The following SLC35F3 variants were observed in gnomAD, a reference collection of about 807,000 sequenced individuals.
SLC35F3 encodes solute carrier family 35 member F3, also known as putative thiamine transporter SLC35F3.
In SLC35F3, 25 loss-of-function variants were observed where a neutral mutation model predicts 49.9. The ratio of observed to expected loss-of-function variants is 0.50; its 90% CI spans 0.37 to 0.70. SLC35F3 has a LOEUF of 0.70. Among genes scored for constraint, SLC35F3 ranks in the 30% least tolerant of loss-of-function variants. The pLI, the probability that SLC35F3 is intolerant of heterozygous loss-of-function variation, is 0.00. For synonymous variants in SLC35F3, 275 were observed against 265.4 expected (o/e 1.04, Z -0.35); for missense variants, 525 against 639.8 (o/e 0.82, Z 1.94).
At chr1:233,995,332 G>T (rs952070021) in intron 2 of SLC35F3, among the ~76,000 whole-genome samples, 1 of 152,204 alleles carries the variant, frequency 6.6e-6, no homozygotes, top group Non-Finnish European at 1.5e-5. Flanking sequence ...AGAATGGTTT[G>T]TTGTGAAGGA....
At chr1:233,928,463 A>G (rs1662193922) in intron 2 of SLC35F3, among the ~76,000 whole-genome samples, 1 of 152,164 alleles carries the variant, frequency 6.6e-6, no homozygotes, top group Admixed American at 6.6e-5. Context: ...TTAATTAGTC[A>G]TTGCTGAGTT....
At chr1:234,071,451 A>C (rs1664710970) in intron 2 of SLC35F3, among the ~76,000 whole-genome samples, 1 of 152,182 alleles carries the variant, frequency 6.6e-6, no homozygotes, top group Non-Finnish European at 1.5e-5. Context: ...CCTGGCAGAG[A>C]GCCTGTAAGT....
chr1:234,205,639 T>G (rs1489883096), intron 2 of SLC35F3, among the ~76,000 whole-genome samples: 1 of 152,194 alleles, frequency 6.6e-6, no homozygotes, highest in Non-Finnish European at 1.5e-5. Flanking sequence ...GGGCTTCCAA[T>G]AAAAGAAACT....
intron 2 of SLC35F3, among the ~76,000 whole-genome samples, chr1:233,908,976 T>A (rs1661823951): frequency 6.6e-6 from 1 of 151,612 alleles, no homozygotes; most frequent in Non-Finnish European, 1.5e-5. Flanking sequence ...CTACCTCAGC[T>A]TCCTCCTGAG....
chr1:233,951,516 T>C (rs1662607843), intron 2 of SLC35F3, among the ~76,000 whole-genome samples: 1 of 152,120 alleles, frequency 6.6e-6, no homozygotes, highest in Non-Finnish European at 1.5e-5. Context: ...TATGTTTAGA[T>C]GCATAAATAC....
intron 2 of SLC35F3, among the ~76,000 whole-genome samples, chr1:233,987,533 C>G (rs1264611223): frequency 7.0e-6 from 1 of 143,252 alleles, no homozygotes. Flanking sequence ...TCTATCTTTT[C>G]TCTTTGGAAG....
intron 2 of SLC35F3, among the ~76,000 whole-genome samples, chr1:233,965,353 C>T (rs1171191011): frequency 6.6e-6 from 1 of 152,208 alleles, no homozygotes; most frequent in Non-Finnish European, 1.5e-5. Context: ...ATCCCTATCT[C>T]CTGGTGCTCA....
intron 4 of SLC35F3, among the ~76,000 whole-genome samples, chr1:234,316,266 T>C (rs1657487926): frequency 6.6e-6 from 1 of 152,250 alleles, no homozygotes; most frequent in Admixed American, 6.5e-5. Flanking sequence ...AGGCTTGTCA[T>C]GACCAAATAA....
chr1:234,237,785 C>G (rs1667498528), intron 3 of SLC35F3, among the ~76,000 whole-genome samples: 1 of 152,212 alleles, frequency 6.6e-6, no homozygotes, highest in African/African-American at 2.4e-5. Flanking sequence ...GTGACAAGAG[C>G]AAGTGGAAAT....
At position 234,113,859 on chromosome 1, in the gene SLC35F3, A is replaced by T. The variant is rs184440258; in HGVS notation, c.284-117558A>T. Among the ~76,000 whole-genome samples, 312 of 152,316 alleles carry T rather than the reference A, an allele frequency of 2.0e-3. 1 individual carries two copies. The highest frequency in any genetic ancestry group is 7.0e-3 in the African/African-American group (290 of 41,566). On this transcript the variant is annotated intron_variant, in intron 2 of 7. Transcript: ENST00000366618. ...GCCTGGGCAGCAAGAGCAGAACGCC[A>T]TCTCCAAAATAAAAAAATAAGAAAA...
intron 2 of SLC35F3, among the ~76,000 whole-genome samples, chr1:233,968,542 TG>T (rs559994862): frequency 3.0e-4 from 45 of 151,990 alleles, no homozygotes; most frequent in Non-Finnish European, 5.7e-4. Flanking sequence ...TGCTGGAGTG[TG>T]GTGGCATAAT....
At chr1:234,026,578 A>C (rs1663982224) in intron 2 of SLC35F3, among the ~76,000 whole-genome samples, 1 of 152,168 alleles carries the variant, frequency 6.6e-6, no homozygotes, top group African/African-American at 2.4e-5. Flanking sequence ...GCTTTGAAAA[A>C]TAAGCGTTTA....
chr1:233,910,846 A>C (rs1352170968), intron 2 of SLC35F3, among the ~76,000 whole-genome samples: 1 of 152,172 alleles, frequency 6.6e-6, no homozygotes, highest in African/African-American at 2.4e-5. Context: ...TTTTTCCAGA[A>C]TGTGAATGGA....
In SLC35F3 at chr1:234,320,068, A is replaced by C; in HGVS notation, c.1148-30A>C. 6.7e-7 allele frequency: 1 copy of C among 1,490,216 alleles called. No individual in the cohort carries two copies. Among genetic ancestry groups the C allele is most frequent in the Non-Finnish European group, 9.4e-7 (1 of 1,067,000 alleles). 92.3% of individuals were successfully genotyped at this position (1,490,216 alleles called of 1,614,324 possible). ...GGTAAAGTACACAGCAGTCATGAATAACACTCGTTGTTTACATTCTTTATT... is the reference window on the plus strand; with the variant it reads ...GGTAAAGTACACAGCAGTCATGAATCACACTCGTTGTTTACATTCTTTATT... On this transcript the variant is annotated intron_variant, in intron 6 of 7. Coordinates refer to ENST00000366618, the MANE Select transcript of SLC35F3 (RefSeq NM_173508.4). This position sits in a 1 kb window ranked among gnomAD's most constrained non-coding sequence, Gnocchi z 4.8.
At chr1:233,995,671 G>T (rs1226276086) in intron 2 of SLC35F3, among the ~76,000 whole-genome samples, 2 of 152,194 alleles carry the variant, frequency 1.3e-5, no homozygotes, top group Non-Finnish European at 2.9e-5. Context: ...CAGCAGAGGA[G>T]AGGAAGGCAA....
intron 2 of SLC35F3, among the ~76,000 whole-genome samples, chr1:234,033,246 C>G (rs962798217): frequency 6.6e-6 from 1 of 152,086 alleles, no homozygotes; most frequent in East Asian, 1.9e-4. Flanking sequence ...TTTGTAGATT[C>G]TGGATATTAG....
intron 2 of SLC35F3, among the ~76,000 whole-genome samples, chr1:234,106,626 T>A (rs1454610388): frequency 6.6e-6 from 1 of 152,204 alleles, no homozygotes; most frequent in Non-Finnish European, 1.5e-5. Flanking sequence ...CTCAGTGACC[T>A]CACTTAATCT....
chr1:234,112,256 TAGG>T (rs1253383793), intron 2 of SLC35F3, among the ~76,000 whole-genome samples: 1 of 152,036 alleles, frequency 6.6e-6, no homozygotes, highest in East Asian at 1.9e-4. Flanking sequence ...GAGGCTGAGG[TAGG>T]AGGATTCCTT....
At chr1:233,943,586 T>C (rs1662464781) in intron 2 of SLC35F3, among the ~76,000 whole-genome samples, 1 of 152,170 alleles carries the variant, frequency 6.6e-6, no homozygotes, top group African/African-American at 2.4e-5. Flanking sequence ...AATAAAAGGG[T>C]AATAAAAATA....
Sources: allele counts gnomAD v4.1 joint callset (sites outside exome capture counted in the v4.1 genomes callset), GRCh38; gene constraint gnomAD v4.1.1; non-coding constraint Gnocchi (gnomAD v3.1); transcripts MANE v1.5; gene names NCBI Gene and HGNC (gene_info 2026-07-23, HGNC 2026-07-21).